The following CSMD3 variants were observed in gnomAD, a reference collection of about 807,000 sequenced individuals.
The protein encoded by CSMD3 is CUB and sushi domain-containing protein 3.
Under a neutral mutation model 435.2 loss-of-function variants are expected in CSMD3, and 177 were observed. The ratio of observed to expected loss-of-function variants is 0.41; its 90% CI spans 0.36 to 0.46. The LOEUF is 0.46. CSMD3 is among the 20% of genes least tolerant of loss of function. The pLI, the probability that CSMD3 is intolerant of heterozygous loss-of-function variation, is 0.34. For missense variants in CSMD3, 4,265 were observed against 4,504.6 expected, an observed-to-expected ratio of 0.95 and a Z score of 1.52; for synonymous variants, 1,656 against 1,520.5, an observed-to-expected ratio of 1.09 and a Z score of -2.07.
intron 10 of CSMD3, among the ~76,000 whole-genome samples, chr8:112,908,068 G>A (rs1040767745): frequency 1.3e-5 from 2 of 151,374 alleles, no homozygotes; most frequent in Non-Finnish European, 3.0e-5. Flanking sequence ...TGTAGTTAAA[G>A]TAATACAGCA....
chr8:113,392,955 ATATG>A (rs35979452), intron 1 of CSMD3, among the ~76,000 whole-genome samples: 99,874 of 144,352 alleles, frequency 0.69, 34,018 homozygotes, highest in East Asian at 0.92. Context: ...ATATATATAT[ATATG>A]TGTGTGTGTG....
chr8:112,406,387 TTA>T, intron 35 of CSMD3, 135 bp downstream of exon 35: 1 of 486,296 alleles, frequency 2.1e-6, no homozygotes, highest in South Asian at 4.2e-5. Context: ...TTTTTCATAT[TTA>T]TATAAAGCAT....
In CSMD3 at chr8:112,920,987, ACG is replaced by A. The variant is rs201111279; in HGVS notation, c.1633+638_1633+639del. On this transcript the variant is annotated intron_variant, in intron 10 of 70. Transcript: ENST00000297405. Reference sequence around the variant, plus strand: ...TTTATATATATATATGTACACACATACGCGCGCGCGCACACACACACACACAC... The same window carrying A: ...TTTATATATATATATGTACACACATACGCGCGCGCACACACACACACACAC... Among the ~76,000 whole-genome samples the A allele has an allele frequency of 2.0e-3, 232 of 118,514 alleles. 3 individuals carry two copies. The highest frequency in any genetic ancestry group is 5.0e-3 in the African/African-American group (134 of 26,674). 77.7% of individuals were successfully genotyped at this position (118,514 alleles called of 152,430 possible).
chr8:112,880,195 G>A (rs1002897114), intron 10 of CSMD3, among the ~76,000 whole-genome samples: 2 of 152,084 alleles, frequency 1.3e-5, no homozygotes, highest in African/African-American at 2.4e-5. Flanking sequence ...GTTATCACTT[G>A]TAATTCTAGA....
intron 3 of CSMD3, among the ~76,000 whole-genome samples, chr8:113,221,283 TA>T (rs769460609): frequency 4.0e-5 from 6 of 150,938 alleles, no homozygotes; most frequent in Non-Finnish European, 7.4e-5. Flanking sequence ...TCTTGAAGAA[TA>T]GGAGTAAAGA....
rs764739307 is a variant in CSMD3 at position 112,552,689 on chromosome 8, T to A, written c.4266A>T (p.Ser1422=). The A allele has an allele frequency of 6.2e-7, 1 of 1,612,120 alleles. No homozygotes were observed. Among genetic ancestry groups the A allele is most frequent in the South Asian group, 1.1e-5 (1 of 91,064 alleles). ...AECGGRFKGE[S]SGRILSPGYP... ...AGCCAGGAGATAAGATTCTTCCTGATGATTCTCCTTTAAAACGACCTCCAC... is the reference window on the plus strand; with the variant it reads ...AGCCAGGAGATAAGATTCTTCCTGAAGATTCTCCTTTAAAACGACCTCCAC... Residue 1422 remains serine (S), a synonymous_variant, in exon 26 of 71, where the codon TCA becomes TCT. Transcript: ENST00000297405.
At chr8:112,353,667 C>T (rs768794346) in intron 38 of CSMD3, among the ~76,000 whole-genome samples, 2 of 151,878 alleles carry the variant, frequency 1.3e-5, no homozygotes, top group African/African-American at 4.8e-5. Flanking sequence ...GAAACTGAAA[C>T]CCTGAACAGA....
At chr8:112,851,341 A>G (rs1166640405) in intron 11 of CSMD3, among the ~76,000 whole-genome samples, 3 of 152,208 alleles carry the variant, frequency 2.0e-5, no homozygotes, top group Admixed American at 1.3e-4. Context: ...AAAAACTAAC[A>G]TGGATTCAAG....
At chr8:112,698,252 C>T (rs2076303540) in intron 13 of CSMD3, among the ~76,000 whole-genome samples, 1 of 151,910 alleles carries the variant, frequency 6.6e-6, no homozygotes, top group African/African-American at 2.4e-5. Context: ...CTACAAAGAA[C>T]CCTAAGGGGT....
intron 31 of CSMD3, among the ~76,000 whole-genome samples, chr8:112,479,534 A>C (rs1231542200): frequency 1.3e-5 from 2 of 152,182 alleles, no homozygotes; most frequent in East Asian, 3.9e-4. Context: ...AAAAAATAAT[A>C]GTTTCCTGTA....
At chr8:113,078,787 G>A (rs1445167568) in intron 5 of CSMD3, among the ~76,000 whole-genome samples, 6 of 152,266 alleles carry the variant, frequency 3.9e-5, no homozygotes, top group African/African-American at 1.4e-4. Flanking sequence ...AGTAATAGCT[G>A]CACAGAGTCC....
At position 113,044,457 on chromosome 8, in the gene CSMD3, T is replaced by C. The variant is rs544966841; in HGVS notation, c.918-25278A>G. ...TTTTCTGATTTTGACCCTAACACTATGCCCAGCCTAGACTGATTCACAGCC... is the reference window on the plus strand; with the variant it reads ...TTTTCTGATTTTGACCCTAACACTACGCCCAGCCTAGACTGATTCACAGCC... On this transcript the variant is annotated intron_variant, in intron 5 of 70. Coordinates refer to ENST00000297405, the MANE Select transcript of CSMD3 (RefSeq NM_198123.2). Among the ~76,000 whole-genome samples the C allele has an allele frequency of 2.0e-5, 3 of 149,164 alleles. No homozygotes were observed. In the South Asian group the frequency reaches 6.4e-4, roughly 32 times the overall value.
intron 1 of CSMD3, among the ~76,000 whole-genome samples, chr8:113,328,424 C>T (rs1252331419): frequency 1.5e-5 from 2 of 131,384 alleles, no homozygotes; most frequent in African/African-American, 5.8e-5. Context: ...GGCGACAGAG[C>T]GAGACTCCGT....
intron 22 of CSMD3, among the ~76,000 whole-genome samples, chr8:112,592,109 A>G (rs932275069): frequency 5.9e-5 from 9 of 151,968 alleles, no homozygotes; most frequent in Admixed American, 5.2e-4. Context: ...TTCTCCTAAG[A>G]TGCCTTCTCA....
At chr8:112,443,632 G>C (rs1464705237) in intron 32 of CSMD3, among the ~76,000 whole-genome samples, 1 of 151,908 alleles carries the variant, frequency 6.6e-6, no homozygotes, top group East Asian at 1.9e-4. Context: ...AGGGAAAAAA[G>C]TAAAATGAGT....
Position 112,922,709 on chromosome 8 carries a change from C to T in CSMD3, c.1509-958G>A, listed in dbSNP as rs150659398. On this transcript the variant is annotated intron_variant, in intron 9 of 70. Coordinates refer to ENST00000297405, the MANE Select transcript of CSMD3 (RefSeq NM_198123.2). ...TTGTTGCAAATGACAGGGCTCCATA[C>T]ATTTTATGGCTAAATAGTCCCTTAA... 3.0e-3 allele frequency among the ~76,000 whole-genome samples: 457 copies of T among 152,160 alleles called. 2 individuals are homozygous for T. The highest frequency in any genetic ancestry group is 0.01 in the African/African-American group (428 of 41,530).
chr8:112,245,613 C>T (rs929658291), intron 64 of CSMD3, among the ~76,000 whole-genome samples: 5 of 152,166 alleles, frequency 3.3e-5, no homozygotes, highest in African/African-American at 1.2e-4. Flanking sequence ...TCTCAGTTCA[C>T]TGCAGCCTCC....
At chr8:112,451,424 C>T (rs781329439) in intron 32 of CSMD3, among the ~76,000 whole-genome samples, 1 of 151,782 alleles carries the variant, frequency 6.6e-6, no homozygotes, top group East Asian at 1.9e-4. Flanking sequence ...AAAATGCATT[C>T]AATATGATTT....
chr8:112,830,211 A>G (rs931834878), intron 11 of CSMD3, among the ~76,000 whole-genome samples: 2 of 152,338 alleles, frequency 1.3e-5, no homozygotes, highest in Non-Finnish European at 2.9e-5. Context: ...GTTAACATGC[A>G]GAAACAGAGT....
Sources: gnomAD v4.1 joint callset for allele counts (sites outside exome capture counted in the v4.1 genomes callset) on GRCh38, gnomAD v4.1.1 for gene constraint, MANE v1.5 for transcripts, NCBI Gene and HGNC (gene_info 2026-07-23, HGNC 2026-07-21) for gene names.